The following MTOR variants were observed in gnomAD, a reference collection of about 807,000 sequenced individuals.
The protein encoded by MTOR is serine/threonine-protein kinase mTOR.
MTOR carries 70 observed loss-of-function variants against 319.8 expected under a neutral mutation model. That is an observed-to-expected ratio of 0.22 (90% CI 0.18 to 0.27). MTOR has a LOEUF of 0.27. Ranked by LOEUF, MTOR falls within the 10% of genes least tolerant of loss-of-function variation. The probability of loss-of-function intolerance (pLI) is 1.00; values close to 1 mark genes in which losing one functional copy is unlikely to be tolerated. For missense variants in MTOR, 1,890 were observed against 3,274.4 expected (o/e 0.58, Z 10.32); for synonymous variants, 1,183 against 1,211.4 (o/e 0.98, Z 0.49).
intron 28 of MTOR, among the ~76,000 whole-genome samples, chr1:11,185,166 A>T (rs994295936): frequency 1.3e-5 from 2 of 152,128 alleles, no homozygotes; most frequent in African/African-American, 4.8e-5. Context: ...AGACTGCCAG[A>T]CACTGGGCCA....
chr1:11,218,660 G>A (rs546786407), intron 19 of MTOR, among the ~76,000 whole-genome samples: 44 of 152,106 alleles, frequency 2.9e-4, no homozygotes, highest in Non-Finnish European at 5.6e-4. Flanking sequence ...GAGCATTTCC[G>A]TGGCTTATTC....
At chr1:11,141,399 G>A (rs745834584) in intron 34 of MTOR, among the ~76,000 whole-genome samples, 3 of 151,094 alleles carry the variant, frequency 2.0e-5, no homozygotes, top group Non-Finnish European at 4.4e-5. Context: ...AGGTGGGATC[G>A]TTCTTGTCTC....
rs762660728 is a variant in MTOR at position 11,130,550 on chromosome 1, C to A, written c.5592G>T (p.Pro1864=). The A allele has an allele frequency of 5.0e-6, 8 of 1,612,662 alleles. No homozygotes were observed. The highest frequency in any genetic ancestry group is 3.3e-4 in the Middle Eastern group (2 of 6,082). Residue 1864 remains proline, a synonymous_variant, in exon 39 of 58, where the codon CCG becomes CCT. Coordinates refer to ENST00000361445, the MANE Select transcript of MTOR (RefSeq NM_004958.4). ...ESTENSPTPS[P]LQKKVTEDLS... ...GTACCTCAGTGACCTTCTTCTGCAG[C>A]GGCGATGGGGTGGGGCTGTTCTCGG...
At chr1:11,204,995 C>T (rs868576758) in intron 25 of MTOR, among the ~76,000 whole-genome samples, 5 of 152,096 alleles carry the variant, frequency 3.3e-5, no homozygotes, top group South Asian at 2.1e-4. Context: ...CGGGTGCATT[C>T]GACAAAGCCT....
intron 19 of MTOR, among the ~76,000 whole-genome samples, chr1:11,218,516 T>C (rs780847794): frequency 6.6e-6 from 1 of 151,890 alleles, no homozygotes. Context: ...ATGCAAAGCC[T>C]GAAAGAAAGT....
intron 28 of MTOR, among the ~76,000 whole-genome samples, chr1:11,177,889 C>G (rs1019223633): frequency 6.6e-6 from 1 of 152,162 alleles, no homozygotes; most frequent in Non-Finnish European, 1.5e-5. Flanking sequence ...GTAATATAAT[C>G]ACCTTTCCAA....
chr1:11,181,736 T>C (rs1380936437), intron 28 of MTOR, among the ~76,000 whole-genome samples: 2 of 152,138 alleles, frequency 1.3e-5, no homozygotes, highest in African/African-American at 2.4e-5. Context: ...GTCTCCATAA[T>C]AGATATTTAG....
chr1:11,228,574 C>A, intron 19 of MTOR, 94 bp downstream of exon 19: 2 of 1,514,656 alleles, frequency 1.3e-6, no homozygotes, highest in Non-Finnish European at 9.0e-7. Context: ...CTCAGGGGCA[C>A]AGAGAATGCA....
chr1:11,157,341 C>A (rs1439946542), intron 29 of MTOR, 50 bp from the exon 30 acceptor site: 2 of 1,586,266 alleles, frequency 1.3e-6, no homozygotes, highest in South Asian at 1.2e-5. Context: ...AAGAAGGGAT[C>A]ACATTGTTTA....
intron 46 of MTOR, among the ~76,000 whole-genome samples, chr1:11,126,246 GA>G (rs770852419): frequency 4.7e-5 from 7 of 148,656 alleles, no homozygotes; most frequent in Non-Finnish European, 8.9e-5. Flanking sequence ...AAAAAAAAAA[GA>G]AAAAAATTTC....
At chr1:11,122,498 C>T (rs1420403430) in intron 47 of MTOR, among the ~76,000 whole-genome samples, 1 of 146,608 alleles carries the variant, frequency 6.8e-6, no homozygotes, top group Non-Finnish European at 1.5e-5. Context: ...CTGCACCCAG[C>T]CCTATTTTTT....
chr1:11,127,102 T>C lies in MTOR; in HGVS notation c.6259A>G (p.Lys2087Glu), dbSNP rs768319843. ...TTGACATTCCCTGATTTCATGTACT[T>C]CCTGCACCACTCTTGGGCCTCCATT... ...DLMEAQEWCR[K>E]YMKSGNVKDL... is the part of the protein sequence containing the mutation. Residue 2087 changes from lysine to glutamate, a missense_variant, in exon 45 of 58, where the codon AAG becomes GAG. By Grantham distance (56) the Lys-to-Glu change is moderately conservative. Around this residue, in one of 15 missense-constraint regions of MTOR, gnomAD observed 249 missense variants for 596.2 expected, o/e 0.42. Coordinates refer to ENST00000361445, the MANE Select transcript of MTOR (RefSeq NM_004958.4). This position sits in a 1 kb window ranked among gnomAD's most constrained non-coding sequence, Gnocchi z 5.5. 6.2e-7 allele frequency: 1 copy of C among 1,614,184 alleles called. No individual in the cohort carries two copies. Among genetic ancestry groups the C allele is most frequent in the Non-Finnish European group, 8.5e-7 (1 of 1,180,044 alleles).
intron 6 of MTOR, among the ~76,000 whole-genome samples, chr1:11,253,119 T>A (rs1270458489): frequency 2.6e-5 from 4 of 152,086 alleles, no homozygotes; most frequent in African/African-American, 9.7e-5. Context: ...AGAACACTTC[T>A]ATCCGAATTT....
Position 11,242,672 on chromosome 1 carries a change from G to T in MTOR, c.1412+442C>A, listed in dbSNP as rs561271942. On this transcript the variant is annotated intron_variant, in intron 9 of 57. Coordinates refer to ENST00000361445, the MANE Select transcript of MTOR (RefSeq NM_004958.4). The stretch of plus-strand genomic sequence containing the variant: ...TCTCTCCATCTGGCAGGATGCTGAG[G>T]GGTTTTCTCATATTTTATTCGCCAG... Among the ~76,000 whole-genome samples the T allele has an allele frequency of 1.2e-4, 18 of 152,320 alleles. No homozygotes were observed. In the South Asian group the frequency reaches 3.7e-3, roughly 32 times the overall value.
rs2100451906 is a variant in MTOR at position 11,134,405 on chromosome 1, G to A, written c.5192C>T (p.Ala1731Val). 6.2e-7 allele frequency: 1 copy of A among 1,614,206 alleles called. No homozygotes were observed. The highest frequency in any genetic ancestry group is 8.5e-7 in the Non-Finnish European group (1 of 1,180,038). The change falls in exon 37 of 58, where the codon GCC becomes GTC. Residue 1731 changes from alanine (A) to valine (V), a missense_variant. Transcript: ENST00000361445. ...ATGCTGCTGGTCCTCAGTAGCGATG[G>A]CATGCTGGGCCTGTTGCTGCATGGT... is the stretch of plus-strand genomic sequence containing the variant. ...VQTMQQQAQH[A>V]IATEDQQHKQ...
chr1:11,239,047 T>C (rs968814568), intron 11 of MTOR, among the ~76,000 whole-genome samples: 7 of 152,092 alleles, frequency 4.6e-5, no homozygotes, highest in Non-Finnish European at 1.0e-4. Flanking sequence ...GTGCTGGGAT[T>C]ATAGGCGTAA....
intron 19 of MTOR, among the ~76,000 whole-genome samples, chr1:11,227,542 A>G (rs563066313): frequency 9.4e-4 from 143 of 152,240 alleles, no homozygotes; most frequent in Non-Finnish European, 1.6e-3. Flanking sequence ...TATTCTAAGA[A>G]TAACAGGAAC....
intron 19 of MTOR, among the ~76,000 whole-genome samples, chr1:11,222,971 G>A (rs1646718180): frequency 6.6e-6 from 1 of 151,958 alleles, no homozygotes. Context: ...GAAAATATCT[G>A]TTTACTAAAT....
intron 30 of MTOR, among the ~76,000 whole-genome samples, chr1:11,151,777 T>C (rs777221249): frequency 6.6e-6 from 1 of 152,304 alleles, no homozygotes; most frequent in African/African-American, 2.4e-5. Flanking sequence ...TCCAACCCTA[T>C]AGTTCAAAAT....
Sources: gnomAD v4.1 joint callset for allele counts (sites outside exome capture counted in the v4.1 genomes callset) on GRCh38, gnomAD v4.1.1 for gene constraint, gnomAD v4.1.1 regional missense constraint, Gnocchi (gnomAD v3.1) non-coding constraint, MANE v1.5 for transcripts, NCBI Gene and HGNC (gene_info 2026-07-23, HGNC 2026-07-21) for gene names.